OPRM1: variants seen among roughly 807,000 people sequenced by gnomAD.
OPRM1 encodes the protein opioid receptor mu 1.
Under a neutral mutation model 31.8 loss-of-function variants are expected in OPRM1, and 27 were observed. The observed-to-expected ratio is 0.85, with a 90% CI of 0.63 to 1.17. OPRM1 has a LOEUF of 1.17. Among genes scored for constraint, OPRM1 ranks in the 50% most tolerant of loss-of-function variants. OPRM1 has a pLI of 0.00. For missense variants in OPRM1, 536 were observed against 511.1 expected (o/e 1.05, Z -0.47); for synonymous variants, 196 against 189.9 (o/e 1.03, Z -0.26).
rs1349697284 is a variant in OPRM1, at chr6:154,124,091, G to A, written c.*5370G>A. ...CAAATATAAGGACCATTGACACTGA[G>A]ATTTTAAGGGAGGAAAAACAGATTG... On this transcript the variant is annotated 3_prime_UTR_variant, in exon 4 of 4. Coordinates refer to ENST00000330432, the MANE Select transcript of OPRM1 (RefSeq NM_000914.5). Among the ~76,000 whole-genome samples the A allele has an allele frequency of 6.6e-6, 1 of 152,126 alleles. No individual in the cohort carries two copies. Among genetic ancestry groups the A allele is most frequent in the Admixed American group, 6.5e-5 (1 of 15,276 alleles).
At chr6:154,152,359 A>AGAAT (rs1798551603) in intron 3 of OPRM1, among the ~76,000 whole-genome samples, 1 of 146,926 alleles carries the variant, frequency 6.8e-6, no homozygotes, top group Non-Finnish European at 1.5e-5. Context: ...AAAGAAAGAA[A>AGAAT]GAAAGAAAGA....
intron 1 of OPRM1, among the ~76,000 whole-genome samples, chr6:154,085,652 A>G (rs1024535896): frequency 6.6e-6 from 1 of 152,192 alleles, no homozygotes; most frequent in Non-Finnish European, 1.5e-5. Context: ...AGTACAAAGC[A>G]GTAGGCATGG....
chr6:154,098,510 A>G (rs988525296), intron 3 of OPRM1, among the ~76,000 whole-genome samples: 8 of 152,176 alleles, frequency 5.3e-5, no homozygotes, highest in African/African-American at 1.9e-4. Context: ...GAAAAGGTGC[A>G]TATTTTTCTC....
chr6:154,164,376 A>T (rs1162429286), intron 3 of OPRM1, among the ~76,000 whole-genome samples: 2 of 152,152 alleles, frequency 1.3e-5, no homozygotes, highest in African/African-American at 4.8e-5. Flanking sequence ...TCTTCTATGG[A>T]TGAAAGAAAA....
At chr6:154,205,811 T>C (rs575691060) in intron 3 of OPRM1, among the ~76,000 whole-genome samples, 30 of 152,238 alleles carry the variant, frequency 2.0e-4, no homozygotes, top group Non-Finnish European at 3.8e-4. Flanking sequence ...AATGCTATCA[T>C]ATTTGATTAT....
At chr6:154,098,239 T>C (rs150442882) in intron 3 of OPRM1, among the ~76,000 whole-genome samples, 3,559 of 152,066 alleles carry the variant, frequency 0.023, 58 homozygotes, top group Middle Eastern at 0.068. Context: ...TTAGGGAAAT[T>C]TAGTTTTAAA....
chr6:154,220,370 A>G (rs1778765171), intron 3 of OPRM1, among the ~76,000 whole-genome samples: 1 of 152,224 alleles, frequency 6.6e-6, no homozygotes, highest in African/African-American at 2.4e-5. Context: ...TCAAACAGCC[A>G]TTGTTGACCA....
intron 3 of OPRM1, among the ~76,000 whole-genome samples, chr6:154,188,123 A>G (rs1200849531): frequency 6.6e-6 from 1 of 152,248 alleles, no homozygotes; most frequent in African/African-American, 2.4e-5. Context: ...AAAATTTAGG[A>G]TAAATTACTA....
chr6:154,162,562 G>A (rs556210069), intron 3 of OPRM1, among the ~76,000 whole-genome samples: 1 of 152,264 alleles, frequency 6.6e-6, no homozygotes, highest in East Asian at 1.9e-4. Flanking sequence ...TCATTGTTGT[G>A]CTCCTATGAT....
intron 3 of OPRM1, among the ~76,000 whole-genome samples, chr6:154,117,858 GGTGTGTGT>G (rs60794328): frequency 3.4e-5 from 5 of 145,662 alleles, no homozygotes; most frequent in African/African-American, 1.0e-4. Context: ...TTAAAAAGAT[GGTGTGTGT>G]GTGTGTGTGT....
Position 154,063,391 on chromosome 6 carries a change from A to C in OPRM1, c.290+23557A>C, listed in dbSNP as rs1338419929. 4.6e-5 allele frequency among the ~76,000 whole-genome samples: 7 copies of C among 152,036 alleles called. No individual in the cohort carries two copies. The East Asian group carries it at 1.3e-3, about 29-fold the overall frequency. On this transcript the variant is annotated intron_variant, in intron 1 of 3. Coordinates refer to ENST00000330432, the MANE Select transcript of OPRM1 (RefSeq NM_000914.5). Reference sequence around the variant, plus strand: ...GTGCAATGTAGTAGTAAAGAGCATTAACTTTATTAAATTATTAAACTTTAT... The same window carrying C: ...GTGCAATGTAGTAGTAAAGAGCATTCACTTTATTAAATTATTAAACTTTAT...
At chr6:154,026,496 C>A (rs2128385050) in intron 1 of OPRM1, among the ~76,000 whole-genome samples, 1 of 152,192 alleles carries the variant, frequency 6.6e-6, no homozygotes, top group African/African-American at 2.4e-5. Flanking sequence ...TTGGGAAGTT[C>A]TCTGTCATTA....
rs539631286 is a variant in OPRM1, at chr6:154,211,191, C to A, written c.1165-35502C>A. On this transcript the variant is annotated intron_variant, in intron 3 of 3. Coordinates refer to the OPRM1 transcript ENST00000337049. ...CAGCACTTTGGGAGGCCGAGGCAGG[C>A]GGATCATGAGGTCAGGAGATTGAGA... 2.6e-5 allele frequency among the ~76,000 whole-genome samples: 4 copies of A among 151,874 alleles called. No individual in the cohort carries two copies. In the South Asian group the frequency reaches 8.3e-4, roughly 32 times the overall value.
chr6:154,159,924 C>T, intron 3 of OPRM1: 1 of 1,613,840 alleles, frequency 6.2e-7, no homozygotes, highest in Non-Finnish European at 8.5e-7. Context: ...CCCGCTGCTG[C>T]TGATAGATGT....
intron 3 of OPRM1, among the ~76,000 whole-genome samples, chr6:154,231,558 T>A (rs1053924594): frequency 1.3e-5 from 2 of 152,234 alleles, no homozygotes; most frequent in African/African-American, 4.8e-5. Flanking sequence ...AAAAACGCCA[T>A]ACAACGCGTA....
rs1583624906 is a variant in OPRM1, at chr6:154,122,229, T to A, written c.*3508T>A. Among the ~76,000 whole-genome samples, 1 of 152,222 alleles carries A rather than the reference T, an allele frequency of 6.6e-6. No individual in the cohort carries two copies. The highest frequency in any genetic ancestry group is 1.9e-4 in the East Asian group (1 of 5,200). On this transcript the variant is annotated 3_prime_UTR_variant, in exon 4 of 4. Transcript: ENST00000330432. ...AAATCTGTTGCTGGAAGAAATATTA[T>A]CCTCTTCATAGAAATATCCACCAGC...
intron 3 of OPRM1, chr6:154,109,036 A>G (rs1796019799): frequency 1.0e-6 from 1 of 985,060 alleles, no homozygotes; most frequent in Non-Finnish European, 1.2e-6. Flanking sequence ...ATTATAGGTC[A>G]CATCAAGAGA....
intron 1 of OPRM1, among the ~76,000 whole-genome samples, chr6:154,043,559 TCA>T (rs1780510534): frequency 2.6e-5 from 4 of 151,142 alleles, no homozygotes; most frequent in South Asian, 2.1e-4. Flanking sequence ...ATATATAAAT[TCA>T]CACACACACA....
rs1797309772 is a variant in OPRM1 at position 154,121,752 on chromosome 6, T to C, written c.*3031T>C. On this transcript the variant is annotated 3_prime_UTR_variant, in exon 4 of 4. Transcript: ENST00000330432. The stretch of plus-strand genomic sequence containing the variant: ...AGAAACATAGATATGAAATGTAAGA[T>C]ACAAAGAAAACACCTCTGCAAAGAT... 6.6e-6 allele frequency among the ~76,000 whole-genome samples: 1 copy of C among 152,100 alleles called. No homozygotes were observed. The highest frequency in any genetic ancestry group is 1.5e-5 in the Non-Finnish European group (1 of 68,002).
Sources: gnomAD v4.1 joint callset for allele counts (sites outside exome capture counted in the v4.1 genomes callset) on GRCh38, gnomAD v4.1.1 for gene constraint, MANE v1.5 for transcripts, NCBI Gene and HGNC (gene_info 2026-07-23, HGNC 2026-07-21) for gene names.